Variants in ANKRD6 observed in about 807,000 individuals in gnomAD.
ANKRD6 encodes the protein ankyrin repeat domain-containing protein 6.
A neutral mutation model predicts 82.3 loss-of-function variants in ANKRD6; 56 were observed. That is an observed-to-expected ratio of 0.68 (90% CI 0.55 to 0.85). ANKRD6 has a LOEUF of 0.85. Among genes scored for constraint, ANKRD6 ranks in the 40% least tolerant of loss-of-function variants. The pLI is 0.00. For missense variants in ANKRD6, 852 were observed against 907.6 expected (o/e 0.94, Z 0.79); for synonymous variants, 347 against 352.1 (o/e 0.99, Z 0.16).
intron 2 of ANKRD6, among the ~76,000 whole-genome samples, chr6:89,582,616 T>G (rs1792804480): frequency 6.6e-6 from 1 of 152,172 alleles, no homozygotes; most frequent in African/African-American, 2.4e-5. Context: ...TTTGTACCCA[T>G]TAAACACTAA....
intron 1 of ANKRD6, among the ~76,000 whole-genome samples, chr6:89,435,246 A>G (rs542318405): frequency 6.6e-6 from 1 of 152,194 alleles, no homozygotes; most frequent in Non-Finnish European, 1.5e-5. Flanking sequence ...TGCAATGTAA[A>G]GAATAACAAT....
intron 1 of ANKRD6, among the ~76,000 whole-genome samples, chr6:89,477,233 C>T (rs1341377818): frequency 1.3e-5 from 2 of 152,062 alleles, no homozygotes; most frequent in Admixed American, 6.6e-5. Context: ...CGTGAGCCAC[C>T]GTGCCCAGCC....
chr6:89,489,680 C>G (rs1383082226), intron 1 of ANKRD6, among the ~76,000 whole-genome samples: 4 of 152,074 alleles, frequency 2.6e-5, no homozygotes, highest in African/African-American at 9.7e-5. Context: ...CAAGGCATGC[C>G]CATTTCGTTG....
At chr6:89,514,236 G>A (rs1224148845) in intron 1 of ANKRD6, among the ~76,000 whole-genome samples, 1 of 152,054 alleles carries the variant, frequency 6.6e-6, no homozygotes, top group Non-Finnish European at 1.5e-5. Context: ...AAATTAGCCG[G>A]GCATTGTGGC....
intron 1 of ANKRD6, among the ~76,000 whole-genome samples, chr6:89,517,836 A>G (rs1411864291): frequency 6.6e-6 from 1 of 152,242 alleles, no homozygotes; most frequent in Admixed American, 6.5e-5. Flanking sequence ...ATGGGATGGG[A>G]GTAGCCACTG....
intron 1 of ANKRD6, among the ~76,000 whole-genome samples, chr6:89,495,001 G>A (rs563855946): frequency 3.1e-4 from 47 of 152,234 alleles, no homozygotes; most frequent in African/African-American, 1.1e-3. Flanking sequence ...TTGGGAGGCC[G>A]AGGTGGGCGG....
At chr6:89,629,528 C>A in intron 15 of ANKRD6, 1 of 405,560 alleles carries the variant, frequency 2.5e-6, no homozygotes, top group Non-Finnish European at 4.7e-6. Context: ...CAGAGTGGAC[C>A]CCAAAGATGA....
At chr6:89,471,201 A>C (rs1030865731) in intron 1 of ANKRD6, among the ~76,000 whole-genome samples, 1 of 151,926 alleles carries the variant, frequency 6.6e-6, no homozygotes, top group African/African-American at 2.4e-5. Context: ...AAATACAAAA[A>C]ATTAGCTGGG....
chr6:89,452,716 C>T (rs1430586399), intron 1 of ANKRD6, among the ~76,000 whole-genome samples: 1 of 152,116 alleles, frequency 6.6e-6, no homozygotes, highest in Non-Finnish European at 1.5e-5. Flanking sequence ...CCAGACCCCG[C>T]ACCCAAACCT....
chr6:89,611,830 G>A (rs1315665647), intron 5 of ANKRD6, among the ~76,000 whole-genome samples: 1 of 152,240 alleles, frequency 6.6e-6, no homozygotes, highest in Non-Finnish European at 1.5e-5. Flanking sequence ...CATTGGCAGG[G>A]ATTGTAACCA....
At chr6:89,473,293 C>G (rs536090405) in intron 1 of ANKRD6, among the ~76,000 whole-genome samples, 1 of 152,036 alleles carries the variant, frequency 6.6e-6, no homozygotes, top group East Asian at 1.9e-4. Context: ...TGCCCATAAT[C>G]CCAGCTACTC....
chr6:89,527,579 G>A (rs1241033716), intron 1 of ANKRD6, among the ~76,000 whole-genome samples: 1 of 105,306 alleles, frequency 9.5e-6, no homozygotes, highest in Non-Finnish European at 1.7e-5. Flanking sequence ...AGGTAACTGA[G>A]CAAGACAGGG....
At chr6:89,625,434 T>G (rs1583955578) in intron 13 of ANKRD6, among the ~76,000 whole-genome samples, 1 of 152,232 alleles carries the variant, frequency 6.6e-6, no homozygotes, top group African/African-American at 2.4e-5. Context: ...TTTTAAAAGT[T>G]TTCAAACATA....
chr6:89,499,948 C>G (rs1431137909), intron 1 of ANKRD6, among the ~76,000 whole-genome samples: 1 of 152,054 alleles, frequency 6.6e-6, no homozygotes, highest in Non-Finnish European at 1.5e-5. Flanking sequence ...CATGAAATGC[C>G]CACTGAAATC....
At chr6:89,475,503 C>G (rs947293748) in intron 1 of ANKRD6, among the ~76,000 whole-genome samples, 5 of 152,130 alleles carry the variant, frequency 3.3e-5, no homozygotes, top group Admixed American at 6.6e-5. Flanking sequence ...TGTAGCACAC[C>G]CTTATTTCTG....
chr6:89,470,958 G>T (rs1461314481), intron 1 of ANKRD6, among the ~76,000 whole-genome samples: 7 of 151,918 alleles, frequency 4.6e-5, no homozygotes, highest in Non-Finnish European at 1.0e-4. Flanking sequence ...TAGTTTTATG[G>T]CTTTATATAT....
chr6:89,609,671 G>A (rs1799708357), intron 5 of ANKRD6, among the ~76,000 whole-genome samples: 1 of 151,950 alleles, frequency 6.6e-6, no homozygotes, highest in African/African-American at 2.4e-5. Flanking sequence ...CCAGGCTGGA[G>A]CGCGATCTCG....
At chr6:89,496,615 C>A (rs527422363) in intron 1 of ANKRD6, among the ~76,000 whole-genome samples, 1 of 152,174 alleles carries the variant, frequency 6.6e-6, no homozygotes, top group Admixed American at 6.5e-5. Context: ...CTCCTCCTCC[C>A]GGGTTTAAGC....
intron 1 of ANKRD6, among the ~76,000 whole-genome samples, chr6:89,499,249 C>T (rs1778993841): frequency 6.6e-6 from 1 of 152,154 alleles, no homozygotes; most frequent in African/African-American, 2.4e-5. Flanking sequence ...TAAAAGGAGC[C>T]TAAGTTTCTG....
Sources: gnomAD v4.1 joint callset for allele counts (sites outside exome capture counted in the v4.1 genomes callset) on GRCh38, gnomAD v4.1.1 for gene constraint, MANE v1.5 for transcripts, NCBI Gene and HGNC (gene_info 2026-07-23, HGNC 2026-07-21) for gene names.